The following SPTLC2 variants were observed in gnomAD, a reference collection of about 807,000 sequenced individuals.
The protein encoded by SPTLC2 is serine palmitoyltransferase long chain base subunit 2, also known as serine palmitoyltransferase 2.
Under a neutral mutation model 62.0 loss-of-function variants are expected in SPTLC2, and 21 were observed. The ratio of observed to expected loss-of-function variants is 0.34; its 90% CI spans 0.24 to 0.49. SPTLC2 has a LOEUF of 0.49. Among genes scored for constraint, SPTLC2 ranks in the 20% least tolerant of loss-of-function variants. SPTLC2 has a pLI of 0.99. For missense variants in SPTLC2, 511 were observed against 713.0 expected (o/e 0.72, Z 3.23); for synonymous variants, 261 against 261.8 (o/e 1.00, Z 0.03).
chr14:77,616,112 C>T (rs1445203841), intron 1 of SPTLC2, among the ~76,000 whole-genome samples: 2 of 152,252 alleles, frequency 1.3e-5, no homozygotes, highest in Admixed American at 1.3e-4. Context: ...CCTTGGGCGG[C>T]TCCCACTGGA....
chr14:77,603,772 A>C (rs2079890345), intron 1 of SPTLC2, among the ~76,000 whole-genome samples: 1 of 152,258 alleles, frequency 6.6e-6, no homozygotes, highest in Non-Finnish European at 1.5e-5. Flanking sequence ...ATTTCAGTTC[A>C]GTGGCATCCT....
chr14:77,519,554 T>G (rs2079376143), intron 10 of SPTLC2, among the ~76,000 whole-genome samples: 1 of 151,830 alleles, frequency 6.6e-6, no homozygotes, highest in South Asian at 2.1e-4. Flanking sequence ...CCATCTCCAC[T>G]AAAAAATACA....
chr14:77,612,412 T>C (rs176902), intron 1 of SPTLC2, among the ~76,000 whole-genome samples: 137,765 of 152,254 alleles, frequency 0.9, 62,458 homozygotes, highest in East Asian at 1. Context: ...TTCCTGAGTA[T>C]CTCAAATAAC....
chr14:77,593,783 A>G (rs565872857), intron 2 of SPTLC2, among the ~76,000 whole-genome samples: 112 of 152,302 alleles, frequency 7.4e-4, no homozygotes, highest in South Asian at 3.9e-3. Context: ...AAGTAGCAAC[A>G]TTATGTTTGC....
At chr14:77,587,215 A>G (rs2079786470) in intron 2 of SPTLC2, among the ~76,000 whole-genome samples, 1 of 150,810 alleles carries the variant, frequency 6.6e-6, no homozygotes, top group Non-Finnish European at 1.5e-5. Flanking sequence ...TGGGTGACAG[A>G]ACGAGACTCA....
intron 2 of SPTLC2, among the ~76,000 whole-genome samples, chr14:77,586,581 G>C (rs751197299): frequency 1.3e-5 from 2 of 152,122 alleles, no homozygotes; most frequent in Non-Finnish European, 2.9e-5. Context: ...TAGGAATGAA[G>C]TACTGTTACT....
intron 2 of SPTLC2, among the ~76,000 whole-genome samples, chr14:77,585,489 T>C (rs752531140): frequency 3.3e-5 from 5 of 152,192 alleles, no homozygotes; most frequent in Non-Finnish European, 7.3e-5. Flanking sequence ...AATCTCGATA[T>C]AACAAAAGAC....
intron 9 of SPTLC2, among the ~76,000 whole-genome samples, chr14:77,549,480 A>T (rs751230210): frequency 2.6e-5 from 4 of 152,178 alleles, no homozygotes; most frequent in Admixed American, 6.5e-5. Context: ...TGCTCTGGTC[A>T]ACAGCCTCAG....
At position 77,506,814 on chromosome 14, in the gene SPTLC2, C is replaced by G. The variant is rs1322694972; in HGVS notation, c.*5470G>C. On this transcript the variant is annotated 3_prime_UTR_variant, in exon 12 of 12. Transcript: ENST00000216484. ...GCAGGACACTCAGAAAGCATAAGAT[C>G]AAGGTACTGCTCTTATCTGCACCTT... 2.0e-5 allele frequency: 3 copies of G among 152,212 alleles called. No homozygotes were observed. Among genetic ancestry groups the G allele is most frequent in the Non-Finnish European group, 2.9e-5 (2 of 68,048 alleles). The allele number at this position is 152,212 out of a possible 1,614,324, so 9.4% of individuals were successfully genotyped here.
chr14:77,574,054 G>C (rs1481283500), intron 4 of SPTLC2, among the ~76,000 whole-genome samples: 3 of 152,216 alleles, frequency 2.0e-5, no homozygotes, highest in Non-Finnish European at 4.4e-5. Context: ...CAGAGCATCA[G>C]ACAGCATGGC....
rs772569277 is a variant in SPTLC2 at position 77,552,260 on chromosome 14, C to T, written c.1177-38G>A. 17 of 1,611,672 alleles carry T rather than the reference C, an allele frequency of 1.1e-5. No homozygotes were observed. In the African/African-American group the frequency reaches 2.0e-4, roughly 19 times the overall value. On this transcript the variant is annotated intron_variant, in intron 8 of 11. Transcript: ENST00000216484. ...CAGAGGCAGATAAGTAGAGACAATTCTTGCATTCACCGGCAATGTCAGTCC... is the reference window on the plus strand; with the variant it reads ...CAGAGGCAGATAAGTAGAGACAATTTTTGCATTCACCGGCAATGTCAGTCC...
At position 77,512,007 on chromosome 14, in the gene SPTLC2, A is replaced by G. The variant is rs2079334640; in HGVS notation, c.*277T>C. On this transcript the variant is annotated 3_prime_UTR_variant, in exon 12 of 12. Coordinates refer to ENST00000216484, the MANE Select transcript of SPTLC2 (RefSeq NM_004863.4). ...AGGCTAGGGTCAGCGTGATTTCACA[A>G]GTAGAATGGTTGCAAAATAAAATGT... 9 of 425,356 alleles carry G rather than the reference A, an allele frequency of 2.1e-5. No individual in the cohort carries two copies. Among genetic ancestry groups the G allele is most frequent in the East Asian group, 2.1e-4 (4 of 19,254 alleles). 26.3% of individuals were successfully genotyped at this position (425,356 alleles called of 1,614,324 possible).
chr14:77,549,359 G>A (rs937258962), intron 9 of SPTLC2, among the ~76,000 whole-genome samples: 11 of 152,128 alleles, frequency 7.2e-5, no homozygotes, highest in African/African-American at 2.7e-4. Flanking sequence ...AAGGTCATGG[G>A]GTTTCCGCCA....
chr14:77,538,276 G>A (rs1262659179), intron 9 of SPTLC2, among the ~76,000 whole-genome samples: 1 of 152,144 alleles, frequency 6.6e-6, no homozygotes, highest in Non-Finnish European at 1.5e-5. Context: ...GCAAATCTGA[G>A]TGTTCAAGAT....
chr14:77,566,487 A>T lies in SPTLC2; in HGVS notation c.756+3897T>A, dbSNP rs544720348. Reference sequence around the variant, plus strand: ...TCACAAGCACAGTAACAAAATAATAATAGCAATACTAATTATTGCCCAGGC... The same window carrying T: ...TCACAAGCACAGTAACAAAATAATATTAGCAATACTAATTATTGCCCAGGC... On this transcript the variant is annotated intron_variant, in intron 5 of 11. Coordinates refer to ENST00000216484, the MANE Select transcript of SPTLC2 (RefSeq NM_004863.4). 5.4e-4 allele frequency among the ~76,000 whole-genome samples: 82 copies of T among 152,344 alleles called. 1 individual carries two copies. The highest frequency in any genetic ancestry group is 2.0e-3 in the African/African-American group (82 of 41,574).
At chr14:77,564,235 G>GAA (rs1566781553) in intron 5 of SPTLC2, among the ~76,000 whole-genome samples, 14 of 29,202 alleles carry the variant, frequency 4.8e-4, no homozygotes, top group Non-Finnish European at 9.9e-4. Context: ...CTGTCTGGGG[G>GAA]GAAAAAAAAA....
chr14:77,516,676 G>C (rs2079361147), intron 11 of SPTLC2, among the ~76,000 whole-genome samples: 1 of 152,116 alleles, frequency 6.6e-6, no homozygotes, highest in Non-Finnish European at 1.5e-5. Context: ...AATCTAATTG[G>C]ATATTGTCAG....
chr14:77,555,167 C>G, intron 8 of SPTLC2, 133 bp downstream of exon 8: 2 of 905,232 alleles, frequency 2.2e-6, no homozygotes, highest in Admixed American at 3.5e-5. Context: ...GAGTCACTCA[C>G]TGGTATTATG....
intron 3 of SPTLC2, among the ~76,000 whole-genome samples, chr14:77,577,352 C>T (rs1451869233): frequency 6.6e-6 from 1 of 152,104 alleles, no homozygotes; most frequent in African/African-American, 2.4e-5. Flanking sequence ...ACAATGGAAG[C>T]TGAGGCAGCC....
Sources: allele counts gnomAD v4.1 joint callset (sites outside exome capture counted in the v4.1 genomes callset), GRCh38; gene constraint gnomAD v4.1.1; transcripts MANE v1.5; gene names NCBI Gene and HGNC (gene_info 2026-07-23, HGNC 2026-07-21).